The following TMEM52B variants were observed in gnomAD, a reference collection of about 807,000 sequenced individuals.
TMEM52B encodes the protein transmembrane protein 52B, also known as chromosome 12 open reading frame 59.
TMEM52B carries 11 observed loss-of-function variants against 16.1 expected under a neutral mutation model. The ratio of observed to expected loss-of-function variants is 0.68; its 90% CI spans 0.43 to 1.13. The LOEUF is 1.13. TMEM52B is among the 50% of genes most tolerant of loss of function. The probability of loss-of-function intolerance (pLI) is 0.00; values close to 1 mark genes in which losing one functional copy is unlikely to be tolerated. For missense variants in TMEM52B, 243 were observed against 230.4 expected, an observed-to-expected ratio of 1.05 and a Z score of -0.35; for synonymous variants, 101 against 93.8, an observed-to-expected ratio of 1.08 and a Z score of -0.45.
upstream of TMEM52B, among the ~76,000 whole-genome samples, chr12:10,178,521 TCA>T (rs1491383735): frequency 1.9e-4 from 14 of 73,488 alleles, no homozygotes; most frequent in African/African-American, 5.9e-4. Context: ...AGACTCCGTC[TCA>T]AAAAAAAAAA....
intron 1 of TMEM52B, chr12:10,172,009 T>A: frequency 1.2e-6 from 2 of 1,610,186 alleles, no homozygotes; most frequent in Non-Finnish European, 1.7e-6. Context: ...TACCTTTAGC[T>A]TTTTTTCCAT....
chr12:10,184,385 G>C (rs1212776942), intron 2 of TMEM52B, among the ~76,000 whole-genome samples: 1 of 152,194 alleles, frequency 6.6e-6, no homozygotes, highest in African/African-American at 2.4e-5. Flanking sequence ...ATAACCAGTA[G>C]GTCAGAAGCA....
At chr12:10,180,845 A>G (rs1053433167) in intron 1 of TMEM52B, among the ~76,000 whole-genome samples, 7 of 152,102 alleles carry the variant, frequency 4.6e-5, no homozygotes, top group Admixed American at 3.9e-4. Flanking sequence ...TGCCCTTGTT[A>G]CCCAGGCTGG....
At chr12:10,177,767 A>AAATAAT (rs199747831), upstream of TMEM52B, among the ~76,000 whole-genome samples, 179 of 118,494 alleles carry the variant, frequency 1.5e-3, 2 homozygotes, top group Middle Eastern at 5.4e-3. Flanking sequence ...ACTCTGTCTC[A>AAATAAT]AATAATAATA....
Position 10,179,423 on chromosome 12 carries a change from A to C in TMEM52B, c.-152A>C, listed in dbSNP as rs1033976451. The C allele has an allele frequency of 1.3e-6, 1 of 770,592 alleles. No individual in the cohort carries two copies. Among genetic ancestry groups the C allele is most frequent in the Non-Finnish European group, 2.3e-6 (1 of 443,686 alleles). 47.7% of individuals were successfully genotyped at this position (770,592 alleles called of 1,614,324 possible). On this transcript the variant is annotated 5_prime_UTR_variant, in exon 1 of 5. Transcript: ENST00000543484. ...ACAGCCAGAGCGAGTAGGAGGAGACAGAGAGAACGAGAGAGAGAAAAGCTG... is the reference window on the plus strand; with the variant it reads ...ACAGCCAGAGCGAGTAGGAGGAGACCGAGAGAACGAGAGAGAGAAAAGCTG...
At chr12:10,184,564 G>A (rs1428837679) in intron 2 of TMEM52B, among the ~76,000 whole-genome samples, 2 of 152,122 alleles carry the variant, frequency 1.3e-5, no homozygotes, top group Admixed American at 6.5e-5. Context: ...TGCCTGGTGT[G>A]TGCGGAAATC....
rs1416029404 is a variant in TMEM52B at position 10,189,987 on chromosome 12, C to G, written c.399C>G (p.Asp133Glu). ...TGGGCCAGCTGCCCTCCTCTTTGGA[C>G]ACCCTCCCAGGGTATGAAGAAGCTC... is the stretch of plus-strand genomic sequence containing the variant. ...SSLGQLPSSL[D>E]TLPGYEEALH... Residue 133 changes from aspartate (D) to glutamate (E), a missense_variant, in exon 5 of 5, where the codon GAC becomes GAG. Transcript: ENST00000543484. 1 of 1,614,016 alleles carries G rather than the reference C, an allele frequency of 6.2e-7. No homozygotes were observed. The highest frequency in any genetic ancestry group is 8.5e-7 in the Non-Finnish European group (1 of 1,180,034).
At chr12:10,174,353 G>A (rs193145466), upstream of TMEM52B, among the ~76,000 whole-genome samples, 139 of 152,314 alleles carry the variant, frequency 9.1e-4, no homozygotes, top group African/African-American at 3.2e-3. Context: ...GTGAGCCACC[G>A]TGCTGGCCTT....
At chr12:10,180,720 T>C (rs1948812591) in intron 1 of TMEM52B, among the ~76,000 whole-genome samples, 2 of 152,238 alleles carry the variant, frequency 1.3e-5, no homozygotes, top group Non-Finnish European at 1.5e-5. Flanking sequence ...GCCTTTGTGG[T>C]TGCTTTCCTG....
At chr12:10,189,834 C>T in intron 4 of TMEM52B, 62 bp from the exon 5 acceptor site, 1 of 1,584,076 alleles carries the variant, frequency 6.3e-7, no homozygotes, top group Non-Finnish European at 8.6e-7. Context: ...AAGTAAGTCT[C>T]TGCTGTCTGA....
At chr12:10,172,143 G>A in intron 1 of TMEM52B, 1 of 1,087,242 alleles carries the variant, frequency 9.2e-7, no homozygotes, top group South Asian at 1.3e-5. Flanking sequence ...AAAAATATGT[G>A]AGCTTCTGCA....
At chr12:10,180,475 A>C (rs1412631199) in intron 1 of TMEM52B, among the ~76,000 whole-genome samples, 1 of 152,212 alleles carries the variant, frequency 6.6e-6, no homozygotes, top group Non-Finnish European at 1.5e-5. Flanking sequence ...TTAGTGAAGA[A>C]AGTGAAAGAA....
At chr12:10,182,029 A>C (rs1212979332) in intron 1 of TMEM52B, 2 of 252,958 alleles carry the variant, frequency 7.9e-6, no homozygotes, top group African/African-American at 4.9e-5. Context: ...TCAAAAAAAA[A>C]AAAAAAAAAA....
chr12:10,182,331 A>G, intron 1 of TMEM52B: 8 of 985,350 alleles, frequency 8.1e-6, no homozygotes, highest in Non-Finnish European at 9.6e-6. Context: ...CATCAACACA[A>G]CAGATGAGAT....
chr12:10,173,503 G>C (rs1948740889), intron 1 of TMEM52B, among the ~76,000 whole-genome samples: 1 of 151,722 alleles, frequency 6.6e-6, no homozygotes, highest in Non-Finnish European at 1.5e-5. Context: ...AAGTTGGCCA[G>C]GTGCAGTGGC....
chr12:10,189,990 C>T lies in TMEM52B; in HGVS notation c.402C>T (p.Thr134=). 1.2e-6 allele frequency: 2 copies of T among 1,614,164 alleles called. No homozygotes were observed. The highest frequency in any genetic ancestry group is 1.7e-6 in the Non-Finnish European group (2 of 1,180,036). ...SLGQLPSSLD[T]LPGYEEALHM... Reference sequence around the variant, plus strand: ...GCCAGCTGCCCTCCTCTTTGGACACCCTCCCAGGGTATGAAGAAGCTCTTC... The same window carrying T: ...GCCAGCTGCCCTCCTCTTTGGACACTCTCCCAGGGTATGAAGAAGCTCTTC... Residue 134 remains threonine (T), a synonymous_variant, in exon 5 of 5, where the codon ACC becomes ACT. Transcript: ENST00000543484.
chr12:10,181,539 A>G (rs2137546824), intron 1 of TMEM52B, among the ~76,000 whole-genome samples: 1 of 150,642 alleles, frequency 6.6e-6, no homozygotes, highest in East Asian at 2.1e-4. Flanking sequence ...CATGTTGGCC[A>G]GGCTGGTCTC....
upstream of TMEM52B, among the ~76,000 whole-genome samples, chr12:10,177,462 A>G (rs1423683910): frequency 6.6e-6 from 1 of 152,108 alleles, no homozygotes; most frequent in Non-Finnish European, 1.5e-5. Flanking sequence ...CCCTTCCACA[A>G]TCACTCAGCA....
intron 1 of TMEM52B, chr12:10,172,051 C>T: frequency 6.2e-7 from 1 of 1,613,852 alleles, no homozygotes; most frequent in Non-Finnish European, 8.5e-7. Context: ...CCTTCACAGT[C>T]TGGATCTTTA....
Sources: allele counts gnomAD v4.1 joint callset (sites outside exome capture counted in the v4.1 genomes callset), GRCh38; gene constraint gnomAD v4.1.1; transcripts MANE v1.5; gene names NCBI Gene and HGNC (gene_info 2026-07-23, HGNC 2026-07-21).